The following NRG4 variants were observed in gnomAD, a reference collection of about 807,000 sequenced individuals.
NRG4 encodes the protein neuregulin 4.
NRG4 carries 10 observed loss-of-function variants against 15.0 expected under a neutral mutation model. The ratio of observed to expected loss-of-function variants is 0.67; its 90% CI spans 0.41 to 1.13. The LOEUF (loss-of-function observed/expected upper bound fraction) is 1.13. NRG4 is among the 50% of genes most tolerant of loss of function. NRG4 has a pLI of 0.00. For synonymous variants in NRG4, 41 were observed against 50.1 expected (o/e 0.82, Z 0.77); for missense variants, 139 against 140.2 (o/e 0.99, Z 0.04).
intron 5 of NRG4, among the ~76,000 whole-genome samples, chr15:75,949,657 CTT>C (rs1285921324): frequency 3.3e-5 from 5 of 152,122 alleles, no homozygotes; most frequent in Non-Finnish European, 7.4e-5. Context: ...ATCTAAAAAT[CTT>C]TGCCTAATTC....
chr15:76,009,302 C>T lies in NRG4; in HGVS notation c.11-9G>A, dbSNP rs750535209. ...ACAGGGCTCTTCGTGATCTAGAACA[C>T]ATACATATATAAAATAGAGAAAAGC... On this transcript the variant is annotated splice_polypyrimidine_tract_variant and intron_variant, in intron 2 of 5. Transcript: ENST00000394907. 10 of 1,422,982 alleles carry T rather than the reference C, an allele frequency of 7.0e-6. No individual in the cohort carries two copies. The highest frequency in any genetic ancestry group is 6.4e-5 in the Admixed American group (3 of 46,702). 88.1% of individuals were successfully genotyped at this position (1,422,982 alleles called of 1,614,324 possible).
upstream of NRG4, among the ~76,000 whole-genome samples, chr15:76,014,174 A>G (rs1350594833): frequency 6.6e-6 from 1 of 151,922 alleles, no homozygotes; most frequent in Admixed American, 6.6e-5. Context: ...TCCTTCACTC[A>G]CTTTTTGATG....
intron 3 of NRG4, among the ~76,000 whole-genome samples, chr15:75,992,439 A>G (rs1400636909): frequency 1.3e-5 from 2 of 152,140 alleles, no homozygotes; most frequent in African/African-American, 4.8e-5. Context: ...TTCGTACCTG[A>G]AAATGTCTTT....
At chr15:75,968,896 C>A (rs2469040) in intron 3 of NRG4, among the ~76,000 whole-genome samples, 9,441 of 152,104 alleles carry the variant, frequency 0.062, 605 homozygotes, top group African/African-American at 0.17. Flanking sequence ...GCTATGTGTC[C>A]ATTTTTCCTT....
At chr15:75,958,355 A>G (rs913651159) in intron 4 of NRG4, among the ~76,000 whole-genome samples, 1 of 152,248 alleles carries the variant, frequency 6.6e-6, no homozygotes, top group African/African-American at 2.4e-5. Flanking sequence ...TACTTATTTT[A>G]TATCATGTGT....
At chr15:76,016,560 G>T (rs1019377429), upstream of NRG4, among the ~76,000 whole-genome samples, 2 of 152,156 alleles carry the variant, frequency 1.3e-5, no homozygotes, top group Non-Finnish European at 1.5e-5. Flanking sequence ...TGGTTTCAAA[G>T]AACTTCTTTA....
chr15:75,990,671 G>GTTT lies in NRG4; in HGVS notation c.104+18526_104+18528dup, dbSNP rs374504639. Among the ~76,000 whole-genome samples, 143 of 130,562 alleles carry GTTT rather than the reference G, an allele frequency of 1.1e-3. 1 individual carries two copies. Among genetic ancestry groups the GTTT allele is most frequent in the African/African-American group, 3.3e-3 (112 of 34,094 alleles). The allele number at this position is 130,562 out of a possible 152,430, so 85.7% of individuals were successfully genotyped here. ...AATTTTCTTACTGTAGTTGGTAATT[G>GTTT]TTTTTTTTTTTTGTTTTTTTTTTTT... On this transcript the variant is annotated intron_variant, in intron 3 of 5. Coordinates refer to ENST00000394907, the MANE Select transcript of NRG4 (RefSeq NM_138573.4).
chr15:75,959,161 AT>A, intron 4 of NRG4: 4 of 415,178 alleles, frequency 9.6e-6, no homozygotes, highest in Admixed American at 2.7e-5. Context: ...AAAAAAAAAA[AT>A]TGTTTTGTAC....
rs2033415269 is a variant in NRG4 at position 75,977,349 on chromosome 15, T to G, written c.105-15375A>C. On this transcript the variant is annotated intron_variant, in intron 3 of 5. Transcript: ENST00000394907. The surrounding 1 kb of genome is among the most constrained non-coding windows in gnomAD (Gnocchi z 4.9). ...AGTGAACGGTTCTGTCTCACTGGTG[T>G]TGCAGGCGCCACTGGGGTATGAAAA... Among the ~76,000 whole-genome samples the G allele has an allele frequency of 6.6e-6, 1 of 152,154 alleles. No individual in the cohort carries two copies. Among genetic ancestry groups the G allele is most frequent in the South Asian group, 2.1e-4 (1 of 4,828 alleles).
At chr15:76,034,228 A>G (rs746453592) in intron 5 of NRG4, among the ~76,000 whole-genome samples, 25 of 152,210 alleles carry the variant, frequency 1.6e-4, no homozygotes, top group Non-Finnish European at 2.8e-4. Flanking sequence ...CTTTGTTAAT[A>G]TAACTGTGAA....
chr15:76,031,663 A>C (rs1054044853), intron 5 of NRG4, among the ~76,000 whole-genome samples: 1 of 152,026 alleles, frequency 6.6e-6, no homozygotes, highest in African/African-American at 2.4e-5. Flanking sequence ...GCACTCCAGC[A>C]CTCCAGCCTG....
At chr15:75,982,690 G>C (rs1015111902) in intron 3 of NRG4, among the ~76,000 whole-genome samples, 1 of 152,230 alleles carries the variant, frequency 6.6e-6, no homozygotes, top group Non-Finnish European at 1.5e-5. Flanking sequence ...AAGCCACCTA[G>C]TGAGTACAGC....
At position 76,011,219 on chromosome 15, in the gene NRG4, AC is replaced by A. The variant is rs771649785; in HGVS notation, c.10+1del. On this transcript the variant is annotated splice_donor_variant, in intron 2 of 5. Transcript: ENST00000394907. LOFTEE classifies it high-confidence loss of function. ...AAAACATATAAATATATAAGAAATT[AC>A]CTGTTGGCATCTTAATTTGTAAATA... 6.9e-7 allele frequency: 1 copy of A among 1,446,872 alleles called. No homozygotes were observed. The highest frequency in any genetic ancestry group is 1.4e-5 in the African/African-American group (1 of 69,006). The allele number at this position is 1,446,872 out of a possible 1,614,324, so 89.6% of individuals were successfully genotyped here.
chr15:76,006,080 G>T (rs1435873670), intron 3 of NRG4, among the ~76,000 whole-genome samples: 3 of 152,166 alleles, frequency 2.0e-5, no homozygotes, highest in Admixed American at 6.5e-5. Context: ...CGGGAAAATT[G>T]GTTAGGGACT....
chr15:75,976,270 T>G (rs1367555999), intron 3 of NRG4, among the ~76,000 whole-genome samples: 1 of 152,202 alleles, frequency 6.6e-6, no homozygotes, highest in Non-Finnish European at 1.5e-5. Context: ...TTCCTTGTAT[T>G]GGGTTAGAAC....
At chr15:76,028,903 CA>C (rs34533266) in intron 5 of NRG4, among the ~76,000 whole-genome samples, 1,990 of 54,404 alleles carry the variant, frequency 0.037, 48 homozygotes, top group African/African-American at 0.12. Flanking sequence ...ACTCCTCCTC[CA>C]AAAAAAAAAA....
intron 5 of NRG4, among the ~76,000 whole-genome samples, chr15:76,023,605 C>T (rs1437943482): frequency 2.6e-5 from 4 of 152,174 alleles, no homozygotes; most frequent in Admixed American, 2.0e-4. Flanking sequence ...GTGAGCCACA[C>T]TGCTGCAGCA....
intron 5 of NRG4, among the ~76,000 whole-genome samples, chr15:76,022,545 C>T (rs2035190342): frequency 1.3e-5 from 2 of 152,064 alleles, no homozygotes; most frequent in Middle Eastern, 3.4e-3. Context: ...GCATTTCAGA[C>T]AGAGGTAACA....
chr15:76,009,056 A>G, intron 3 of NRG4, 144 bp downstream of exon 3: 3 of 607,600 alleles, frequency 4.9e-6, no homozygotes, highest in Non-Finnish European at 8.7e-6. Flanking sequence ...TTTTGTTTTA[A>G]AAGGATAATT....
Sources: allele counts gnomAD v4.1 joint callset (sites outside exome capture counted in the v4.1 genomes callset), GRCh38; gene constraint gnomAD v4.1.1; non-coding constraint Gnocchi (gnomAD v3.1); transcripts MANE v1.5; gene names NCBI Gene and HGNC (gene_info 2026-07-23, HGNC 2026-07-21).